Variants in ACOT7 observed in about 807,000 individuals in gnomAD.
ACOT7 encodes the protein cytosolic acyl coenzyme A thioester hydrolase.
Under a neutral mutation model 40.2 loss-of-function variants are expected in ACOT7, and 12 were observed. That is an observed-to-expected ratio of 0.30 (90% CI 0.19 to 0.48). The LOEUF (loss-of-function observed/expected upper bound fraction) is 0.48. Among genes scored for constraint, ACOT7 ranks in the 20% least tolerant of loss-of-function variants. The pLI, the probability that ACOT7 is intolerant of heterozygous loss-of-function variation, is 0.99. For synonymous variants in ACOT7, 228 were observed against 219.5 expected, an observed-to-expected ratio of 1.04 and a Z score of -0.34; for missense variants, 395 against 530.8, an observed-to-expected ratio of 0.74 and a Z score of 2.51.
chr1:6,353,340 T>A (rs1304385404), intron 1 of ACOT7, among the ~76,000 whole-genome samples: 1 of 148,718 alleles, frequency 6.7e-6, no homozygotes, highest in African/African-American at 2.5e-5. Flanking sequence ...AAAATTGAAA[T>A]ATATTTGGCT....
intron 6 of ACOT7, among the ~76,000 whole-genome samples, chr1:6,313,764 C>T (rs762323239): frequency 2.0e-5 from 3 of 151,796 alleles, no homozygotes; most frequent in Admixed American, 6.6e-5. Context: ...CCCAGCACCA[C>T]GGGGCTGCCT....
chr1:6,390,095 C>T (rs1233648213), intron 1 of ACOT7, among the ~76,000 whole-genome samples: 2 of 152,158 alleles, frequency 1.3e-5, no homozygotes, highest in African/African-American at 2.4e-5. Context: ...CAGTGTCCTG[C>T]GGTTTCTCTG....
intron 2 of ACOT7, among the ~76,000 whole-genome samples, chr1:6,343,918 G>A (rs1641346232): frequency 6.6e-6 from 1 of 152,258 alleles, no homozygotes; most frequent in Non-Finnish European, 1.5e-5. Flanking sequence ...ACAGAGGGGT[G>A]TGGGTCAGAG....
rs1246068171 is a variant in ACOT7 at position 6,275,807 on chromosome 1, A to C, written c.1014+5295T>G. 6.6e-6 allele frequency among the ~76,000 whole-genome samples: 1 copy of C among 151,758 alleles called. No individual in the cohort carries two copies. Among genetic ancestry groups the C allele is most frequent in the East Asian group, 1.9e-4 (1 of 5,162 alleles). On this transcript the variant is annotated intron_variant, in intron 8 of 8. Transcript: ENST00000361521. The surrounding 1 kb of genome is among the most constrained non-coding windows in gnomAD (Gnocchi z 5.6). ...CCAGAAAACATTTCGGTGGCTAAAG[A>C]CTGAAGCTCGGAGTCCTGGGCTGGC...
At chr1:6,307,344 T>C (rs912474088) in intron 6 of ACOT7, among the ~76,000 whole-genome samples, 25 of 152,132 alleles carry the variant, frequency 1.6e-4, no homozygotes, top group African/African-American at 6.0e-4. Flanking sequence ...GGACCTTCAT[T>C]TTTCCCAGTC....
chr1:6,270,370 G>A (rs1638994475), intron 8 of ACOT7, among the ~76,000 whole-genome samples: 1 of 152,230 alleles, frequency 6.6e-6, no homozygotes, highest in South Asian at 2.1e-4. Flanking sequence ...AGTCCCCGAG[G>A]CTGCTGGTGG....
rs1297104866 is a variant in ACOT7 at position 6,311,256 on chromosome 1, G to T, written c.712+7236C>A. 1.3e-5 allele frequency among the ~76,000 whole-genome samples: 2 copies of T among 152,164 alleles called. No individual in the cohort carries two copies. Among genetic ancestry groups the T allele is most frequent in the African/African-American group, 4.8e-5 (2 of 41,454 alleles). ...GCCGATGTGATCAGTAAACGTTGAG[G>T]TTCTTTTCTAAGCCAGAGAACAACC... is the stretch of plus-strand genomic sequence containing the variant. On this transcript the variant is annotated intron_variant, in intron 6 of 8. Transcript: ENST00000361521. This position sits in a 1 kb window ranked among gnomAD's most constrained non-coding sequence, Gnocchi z 5.2.
At chr1:6,324,176 C>T (rs553729790) in intron 5 of ACOT7, among the ~76,000 whole-genome samples, 21 of 152,088 alleles carry the variant, frequency 1.4e-4, no homozygotes, top group Admixed American at 2.6e-4. Flanking sequence ...CCGAGGGTAC[C>T]GGGAAGCCAT....
chr1:6,360,755 A>C, intron 1 of ACOT7: 1 of 1,574,096 alleles, frequency 6.4e-7, no homozygotes, highest in Non-Finnish European at 8.7e-7. Context: ...ACTTGGCCTC[A>C]TCCCTCCAGG....
intron 3 of ACOT7, among the ~76,000 whole-genome samples, chr1:6,337,339 T>C (rs1434282225): frequency 6.6e-6 from 1 of 152,234 alleles, no homozygotes; most frequent in Non-Finnish European, 1.5e-5. Context: ...TCTCCCCCTC[T>C]CAGCCCCTAA....
chr1:6,277,674 C>T (rs906968846), intron 8 of ACOT7, among the ~76,000 whole-genome samples: 3 of 152,252 alleles, frequency 2.0e-5, no homozygotes, highest in Admixed American at 6.5e-5. Context: ...CCCTTCCTCC[C>T]TGACTCCAGG....
Position 6,359,148 on chromosome 1 carries a change from G to A in ACOT7, c.144-9282C>T, listed in dbSNP as rs373378334. The A allele has an allele frequency of 7.0e-4, 203 of 289,156 alleles. No homozygotes were observed. The highest frequency in any genetic ancestry group is 2.7e-3 in the Admixed American group (56 of 20,440). The allele number at this position is 289,156 out of a possible 1,614,324, so 17.9% of individuals were successfully genotyped here. A position where few individuals can be genotyped will look rare whatever the true frequency, so the allele number is the denominator to read the frequency against. On this transcript the variant is annotated intron_variant, in intron 1 of 8. Transcript: ENST00000361521. This position sits in a 1 kb window ranked among gnomAD's most constrained non-coding sequence, Gnocchi z 4.1. The stretch of plus-strand genomic sequence containing the variant: ...AGGAGATCAGGAAGGCAGAGGGGCC[G>A]CTGCTGAGCGGCCTCAGGGAAGCGG...
At chr1:6,267,148 G>A (rs899001609) in intron 8 of ACOT7, among the ~76,000 whole-genome samples, 1 of 152,224 alleles carries the variant, frequency 6.6e-6, no homozygotes, top group Non-Finnish European at 1.5e-5. Flanking sequence ...CAGCTGGAGT[G>A]AGAAGGGACA....
At chr1:6,373,455 T>G (rs1642170858) in intron 1 of ACOT7, among the ~76,000 whole-genome samples, 1 of 152,088 alleles carries the variant, frequency 6.6e-6, no homozygotes, top group South Asian at 2.1e-4. Context: ...TTCGCCATGT[T>G]GGCCAGGCTG....
intron 8 of ACOT7, among the ~76,000 whole-genome samples, chr1:6,269,297 G>A (rs374928142): frequency 6.6e-6 from 1 of 152,212 alleles, no homozygotes; most frequent in South Asian, 2.1e-4. Flanking sequence ...TGGACCTGCA[G>A]CGTGTCCACG....
chr1:6,297,768 TATCTGGG>T (rs1639851092), intron 6 of ACOT7, among the ~76,000 whole-genome samples: 1 of 152,294 alleles, frequency 6.6e-6, no homozygotes, highest in South Asian at 2.1e-4. Flanking sequence ...TTAGATACAA[TATCTGGG>T]ATCTGCTTCG....
chr1:6,385,927 A>C (rs1642433376), intron 1 of ACOT7: 4 of 1,006,356 alleles, frequency 4.0e-6, no homozygotes, highest in African/African-American at 3.3e-5. Flanking sequence ...GCCTGAACTC[A>C]CAGACAGGGA....
chr1:6,331,665 T>A (rs1269678451), intron 4 of ACOT7, among the ~76,000 whole-genome samples: 6 of 152,130 alleles, frequency 3.9e-5, no homozygotes, highest in Non-Finnish European at 5.9e-5. Context: ...CATGCTGCCA[T>A]CCTGCTCTCA....
At chr1:6,300,146 G>T (rs367698225) in intron 6 of ACOT7, among the ~76,000 whole-genome samples, 2 of 152,286 alleles carry the variant, frequency 1.3e-5, no homozygotes, top group East Asian at 3.9e-4. Flanking sequence ...TTCCTCAGGG[G>T]GAGATACGTC....
Sources: gnomAD v4.1 joint callset for allele counts (sites outside exome capture counted in the v4.1 genomes callset) on GRCh38, gnomAD v4.1.1 for gene constraint, Gnocchi (gnomAD v3.1) non-coding constraint, MANE v1.5 for transcripts, NCBI Gene and HGNC (gene_info 2026-07-23, HGNC 2026-07-21) for gene names.